The following PIK3AP1 variants were observed in gnomAD, a reference collection of about 807,000 sequenced individuals.
The protein encoded by PIK3AP1 is phosphoinositide 3-kinase adapter protein 1.
A neutral mutation model predicts 88.1 loss-of-function variants in PIK3AP1; 21 were observed. The ratio of observed to expected loss-of-function variants is 0.24; its 90% CI spans 0.17 to 0.34. PIK3AP1 has a LOEUF of 0.34. PIK3AP1 is among the 10% of genes least tolerant of loss of function. PIK3AP1 has a pLI of 1.00. For synonymous variants in PIK3AP1, 398 were observed against 400.0 expected, an observed-to-expected ratio of 1.00 and a Z score of 0.06; for missense variants, 828 against 1,035.7, an observed-to-expected ratio of 0.80 and a Z score of 2.75.
At chr10:96,719,288 G>A (rs1166214269) in intron 1 of PIK3AP1, among the ~76,000 whole-genome samples, 3 of 152,076 alleles carry the variant, frequency 2.0e-5, no homozygotes, top group Non-Finnish European at 4.4e-5. Flanking sequence ...GAGGATCTGG[G>A]GAGAGCTGGC....
In PIK3AP1 at chr10:96,651,832, C is replaced by G. The variant is rs113029782; in HGVS notation, c.713-181G>C. Among the ~76,000 whole-genome samples the G allele has an allele frequency of 2.5e-3, 382 of 151,952 alleles. 2 individuals are homozygous for G. Among genetic ancestry groups the G allele is most frequent in the African/African-American group, 8.9e-3 (368 of 41,416 alleles). On this transcript the variant is annotated intron_variant, in intron 4 of 16. Transcript: ENST00000339364. ...AGGGTGGAGGTAGCAGGTGAGCAAA[C>G]CAGCACATGGCAGGGCTCTGGGCCA...
At chr10:96,633,012 T>G in intron 8 of PIK3AP1, 1 of 1,612,610 alleles carries the variant, frequency 6.2e-7, no homozygotes, top group Non-Finnish European at 8.5e-7. Flanking sequence ...GCAACTCAGA[T>G]GCAAAGAGAC....
At chr10:96,706,046 A>G (rs1466783394) in intron 2 of PIK3AP1, among the ~76,000 whole-genome samples, 2 of 151,134 alleles carry the variant, frequency 1.3e-5, no homozygotes, top group East Asian at 3.9e-4. Context: ...GGCGCCCGCC[A>G]CCTCGCCCGA....
intron 14 of PIK3AP1, among the ~76,000 whole-genome samples, chr10:96,608,254 C>T (rs1461560400): frequency 6.6e-6 from 1 of 152,246 alleles, no homozygotes; most frequent in Non-Finnish European, 1.5e-5. Flanking sequence ...GGTTCTACCA[C>T]TTTCCTCCTC....
At chr10:96,704,811 A>C (rs1184040552) in intron 2 of PIK3AP1, among the ~76,000 whole-genome samples, 6 of 152,160 alleles carry the variant, frequency 3.9e-5, no homozygotes, top group Admixed American at 6.5e-5. Flanking sequence ...CAAGATCCCC[A>C]GGTCCTTCTG....
At chr10:96,688,055 G>A (rs1844098286) in intron 2 of PIK3AP1, among the ~76,000 whole-genome samples, 1 of 152,034 alleles carries the variant, frequency 6.6e-6, no homozygotes, top group Non-Finnish European at 1.5e-5. Context: ...GGCAGAGTAA[G>A]CACACTCTTT....
At position 96,628,914 on chromosome 10, in the gene PIK3AP1, A is replaced by ATATG. The variant is rs1447828964; in HGVS notation, c.1376-422_1376-421insCATA. Among the ~76,000 whole-genome samples the ATATG allele has an allele frequency of 7.3e-5, 8 of 109,118 alleles. No individual in the cohort carries two copies. The East Asian group carries it at 2.0e-3, about 27-fold the overall frequency. The allele number at this position is 109,118 out of a possible 152,430, so 71.6% of individuals were successfully genotyped here. A position where few individuals can be genotyped will look rare whatever the true frequency, so the allele number is the denominator to read the frequency against. On this transcript the variant is annotated intron_variant, in intron 8 of 16. Coordinates refer to ENST00000339364, the MANE Select transcript of PIK3AP1 (RefSeq NM_152309.3). The stretch of plus-strand genomic sequence containing the variant: ...CATATATATATATATATATGTGTAT[A>ATATG]TATATATATATATATGGCAAGGTCT...
At chr10:96,674,838 G>A (rs936589869) in intron 2 of PIK3AP1, among the ~76,000 whole-genome samples, 4 of 152,238 alleles carry the variant, frequency 2.6e-5, no homozygotes, top group African/African-American at 9.6e-5. Flanking sequence ...CACTGTGTTA[G>A]TCCCAGTCTT....
chr10:96,653,767 C>T (rs1315227232), intron 3 of PIK3AP1, among the ~76,000 whole-genome samples: 1 of 152,128 alleles, frequency 6.6e-6, no homozygotes, highest in Non-Finnish European at 1.5e-5. Context: ...GGATTACAGG[C>T]GTGAACCACC....
At position 96,709,809 on chromosome 10, in the gene PIK3AP1, C is replaced by A. The variant is rs753417617; in HGVS notation, c.188G>T (p.Ser63Ile). ...FSAEDLSLFLSTRCVVVLLSA... is the reference protein window; with the variant it reads ...FSAEDLSLFLITRCVVVLLSA... Reference sequence around the variant, plus strand: ...CAGCAGCACCACGACACAGCGGGTGCTGAGGAAAAGGCTTAGGTCCTCTGC... The same window carrying A: ...CAGCAGCACCACGACACAGCGGGTGATGAGGAAAAGGCTTAGGTCCTCTGC... Residue 63 changes from serine to isoleucine, a missense_variant, in exon 2 of 17, where the codon AGC (serine) becomes ATC (isoleucine). By Grantham distance (142) the Ser-to-Ile change is moderately radical (BLOSUM62 -2). Transcript: ENST00000339364. 3.1e-6 allele frequency: 5 copies of A among 1,613,698 alleles called. No individual in the cohort carries two copies. In the South Asian group the frequency reaches 5.5e-5, roughly 18 times the overall value.
In PIK3AP1 at chr10:96,609,855, G is replaced by T; in HGVS notation, c.2027C>A (p.Thr676Lys). The change falls in exon 14 of 17, where the codon ACG becomes AAG. Residue 676 changes from threonine (T) to lysine (K), a missense_variant. By Grantham distance (78) the Thr-to-Lys change is moderately conservative. Around this residue, in one of 3 missense-constraint regions of PIK3AP1, gnomAD observed 191 missense variants for 208.6 expected, o/e 0.92. Transcript: ENST00000339364. ...KSGKQTDLEITVPIRHSQHLP... is the reference protein window; with the variant it reads ...KSGKQTDLEIKVPIRHSQHLP... ...GTGCTGTGAGTGCCGAATTGGGACC[G>T]TGATCTCCAAGTCTGGAATTGGAGG... The T allele has an allele frequency of 6.2e-7, 1 of 1,613,990 alleles. No individual in the cohort carries two copies. The highest frequency in any genetic ancestry group is 1.1e-5 in the South Asian group (1 of 91,080).
chr10:96,635,724 G>A (rs1404778769), intron 8 of PIK3AP1, among the ~76,000 whole-genome samples: 2 of 152,054 alleles, frequency 1.3e-5, no homozygotes, highest in Admixed American at 6.5e-5. Context: ...GGCCAACATG[G>A]CAAAACCCCA....
Position 96,620,570 on chromosome 10 carries a change from G to A in PIK3AP1, c.1736-13C>T. On this transcript the variant is annotated splice_polypyrimidine_tract_variant and intron_variant, in intron 11 of 16. Coordinates refer to ENST00000339364, the MANE Select transcript of PIK3AP1 (RefSeq NM_152309.3). ...CTGACGGGCGGCCCTGGAAAGGATG[G>A]CAAAACTCAGCTTGACAGCTCCCCC... The A allele has an allele frequency of 6.2e-7, 1 of 1,609,838 alleles. No homozygotes were observed. The highest frequency in any genetic ancestry group is 8.5e-7 in the Non-Finnish European group (1 of 1,177,998).
intron 8 of PIK3AP1, among the ~76,000 whole-genome samples, chr10:96,643,973 C>T (rs946207526): frequency 6.6e-6 from 1 of 152,188 alleles, no homozygotes. Context: ...GGTGCCTCCG[C>T]ATGCTTAGCA....
intron 10 of PIK3AP1, among the ~76,000 whole-genome samples, chr10:96,624,601 G>A (rs1300636596): frequency 2.0e-4 from 31 of 151,982 alleles, no homozygotes; most frequent in Admixed American, 2.0e-3. Context: ...GCCGAGGCAG[G>A]AGGATTGCTT....
At chr10:96,685,916 G>A (rs1844061585) in intron 2 of PIK3AP1, among the ~76,000 whole-genome samples, 1 of 152,164 alleles carries the variant, frequency 6.6e-6, no homozygotes, top group African/African-American at 2.4e-5. Flanking sequence ...GAGCTCCTGA[G>A]ACCCTGGACA....
At chr10:96,656,340 T>G (rs1158624157) in intron 3 of PIK3AP1, among the ~76,000 whole-genome samples, 1 of 152,190 alleles carries the variant, frequency 6.6e-6, no homozygotes, top group Non-Finnish European at 1.5e-5. Context: ...AAAAGCAATA[T>G]TGGCCAGTTG....
intron 8 of PIK3AP1, among the ~76,000 whole-genome samples, chr10:96,630,040 G>T (rs185929650): frequency 6.6e-6 from 1 of 151,818 alleles, no homozygotes; most frequent in Non-Finnish European, 1.5e-5. Flanking sequence ...TGAAAAGATG[G>T]GGATAAGTAA....
At chr10:96,688,169 C>A (rs1053499190) in intron 2 of PIK3AP1, among the ~76,000 whole-genome samples, 1 of 152,116 alleles carries the variant, frequency 6.6e-6, no homozygotes, top group Non-Finnish European at 1.5e-5. Flanking sequence ...ACTGTTGATT[C>A]GACAGGCACT....
Sources: gnomAD v4.1 joint callset for allele counts (sites outside exome capture counted in the v4.1 genomes callset) on GRCh38, gnomAD v4.1.1 for gene constraint, gnomAD v4.1.1 regional missense constraint, MANE v1.5 for transcripts, NCBI Gene and HGNC (gene_info 2026-07-23, HGNC 2026-07-21) for gene names.